The following DIP2C variants were observed in gnomAD, a reference collection of about 807,000 sequenced individuals.
DIP2C encodes the protein DIP2 acetate--CoA ligase C (putative), also known as disco-interacting protein 2 homolog C.
Under a neutral mutation model 192.4 loss-of-function variants are expected in DIP2C, and 33 were observed. That is an observed-to-expected ratio of 0.17 (90% CI 0.13 to 0.23). The LOEUF (loss-of-function observed/expected upper bound fraction) is 0.23, where lower values mean the gene tolerates loss of function less well. Ranked by LOEUF, DIP2C falls within the 10% of genes least tolerant of loss-of-function variation. The pLI, the probability that DIP2C is intolerant of heterozygous loss-of-function variation, is 1.00. For missense variants in DIP2C, 1,537 were observed against 2,110.1 expected (o/e 0.73, Z 5.32); for synonymous variants, 979 against 864.1 (o/e 1.13, Z -2.33).
intron 2 of DIP2C, among the ~76,000 whole-genome samples, chr10:474,856 TCTC>T (rs1302550576): frequency 2.0e-5 from 3 of 152,154 alleles, no homozygotes; most frequent in Admixed American, 6.5e-5. Context: ...CCCATTCCTT[TCTC>T]TTCTCCTTCA....
intron 5 of DIP2C, among the ~76,000 whole-genome samples, chr10:420,625 A>T (rs1370022741): frequency 3.3e-5 from 5 of 152,256 alleles, no homozygotes; most frequent in Non-Finnish European, 7.3e-5. Flanking sequence ...CAGTGGAAAA[A>T]GAAAACTAGA....
chr10:309,922 G>C (rs1956498640), intron 32 of DIP2C, 109 bp downstream of exon 32: 2 of 1,062,570 alleles, frequency 1.9e-6, no homozygotes, highest in Non-Finnish European at 2.8e-6. Flanking sequence ...TTACACTCTG[G>C]GCAGATAAAC....
intron 5 of DIP2C, among the ~76,000 whole-genome samples, chr10:421,587 T>A (rs1419476329): frequency 6.6e-6 from 1 of 152,230 alleles, no homozygotes; most frequent in Admixed American, 6.5e-5. Flanking sequence ...GTACAGGTTA[T>A]TAATTCACAT....
At chr10:497,261 T>A (rs1197932339) in intron 1 of DIP2C, among the ~76,000 whole-genome samples, 3 of 152,208 alleles carry the variant, frequency 2.0e-5, no homozygotes, top group African/African-American at 7.2e-5. Flanking sequence ...GTTAGGCCAT[T>A]CTTTTCTTTC....
intron 1 of DIP2C, among the ~76,000 whole-genome samples, chr10:524,966 T>TAAAAAA (rs1564818283): frequency 3.7e-5 from 1 of 26,744 alleles, no homozygotes; most frequent in African/African-American, 4.4e-4. Flanking sequence ...AATCACAATT[T>TAAAAAA]CAAAAAAAAA....
chr10:524,033 G>A (rs575665747), intron 1 of DIP2C, among the ~76,000 whole-genome samples: 1 of 152,170 alleles, frequency 6.6e-6, no homozygotes, highest in Non-Finnish European at 1.5e-5. Context: ...AGGAGGCCGT[G>A]CAATGGCCCG....
chr10:467,229 T>A (rs1257544919), intron 3 of DIP2C, among the ~76,000 whole-genome samples: 2 of 152,208 alleles, frequency 1.3e-5, no homozygotes, highest in Middle Eastern at 3.4e-3. Context: ...ATGTCCTTTG[T>A]AGGGACATGG....
At position 601,688 on chromosome 10, in the gene DIP2C, G is replaced by T. The variant is rs942297104; in HGVS notation, c.85+87806C>A. On this transcript the variant is annotated intron_variant, in intron 1 of 36. Coordinates refer to ENST00000280886, the MANE Select transcript of DIP2C (RefSeq NM_014974.3). ...CACCACGAAGGACCATTTCAAGGTG[G>T]GAGGCGCCCACTGCCCTGACTGCAG... Among the ~76,000 whole-genome samples the T allele has an allele frequency of 5.3e-5, 8 of 152,206 alleles. No individual in the cohort carries two copies. The East Asian group carries it at 1.5e-3, about 29-fold the overall frequency.
chr10:445,019 C>A (rs1348144330), intron 3 of DIP2C, among the ~76,000 whole-genome samples: 1 of 152,206 alleles, frequency 6.6e-6, no homozygotes, highest in Non-Finnish European at 1.5e-5. Context: ...AGTGGCCGTG[C>A]CGTTTTAAGT....
At position 329,460 on chromosome 10, in the gene DIP2C, C is replaced by T. The variant is rs749052010; in HGVS notation, c.3726G>A (p.Gly1242=). 1 of 1,613,972 alleles carries T rather than the reference C, an allele frequency of 6.2e-7. No homozygotes were observed. The highest frequency in any genetic ancestry group is 2.2e-5 in the East Asian group (1 of 44,858). Residue 1242 remains glycine (G), a synonymous_variant, in exon 30 of 37, where the codon GGG becomes GGA. Coordinates refer to ENST00000280886, the MANE Select transcript of DIP2C (RefSeq NM_014974.3). Reference sequence around the variant, plus strand: ...TGAGGGACTCTGTTTGCGAGCCCAGCCCCTTGGTGCACAGCTCCATCACGG... The same window carrying T: ...TGAGGGACTCTGTTTGCGAGCCCAGTCCCTTGGTGCACAGCTCCATCACGG... The part of the protein sequence containing the change: ...SYSVMELCTK[G]LGSQTESLKA...
At chr10:578,914 T>C (rs189734478) in intron 1 of DIP2C, among the ~76,000 whole-genome samples, 42 of 152,244 alleles carry the variant, frequency 2.8e-4, no homozygotes, top group African/African-American at 8.7e-4. Flanking sequence ...ATCCACAGTG[T>C]GTGCACATAG....
At chr10:329,634 G>A (rs753265990) in intron 29 of DIP2C, 33 bp from the exon 30 acceptor site, 1 of 438,722 alleles carries the variant, frequency 2.3e-6, no homozygotes, top group Non-Finnish European at 3.8e-6. Context: ...CAGGGCGGGA[G>A]CTCAGCAAGG....
At chr10:463,307 G>T (rs892501879) in intron 3 of DIP2C, among the ~76,000 whole-genome samples, 1 of 152,076 alleles carries the variant, frequency 6.6e-6, no homozygotes, top group African/African-American at 2.4e-5. Context: ...AAAGTCTCAG[G>T]ATACAAAATC....
rs555131980 is a variant in DIP2C at position 598,489 on chromosome 10, A to C, written c.85+91005T>G. 2.6e-5 allele frequency among the ~76,000 whole-genome samples: 4 copies of C among 152,298 alleles called. No homozygotes were observed. The East Asian group carries it at 7.7e-4, about 29-fold the overall frequency. ...CTGTGGGAAAGTCAGTCTCAGTCCG[A>C]GGCCTCGCGACAGGGGTAGGGGAGC... On this transcript the variant is annotated intron_variant, in intron 1 of 36. Transcript: ENST00000280886.
rs1422733900 is a variant in DIP2C, at chr10:532,473, C to T, written c.86-45943G>A. Among the ~76,000 whole-genome samples the T allele has an allele frequency of 2.6e-5, 4 of 152,168 alleles. No individual in the cohort carries two copies. In the South Asian group the frequency reaches 8.3e-4, roughly 32 times the overall value. On this transcript the variant is annotated intron_variant, in intron 1 of 36. Transcript: ENST00000280886. The stretch of plus-strand genomic sequence containing the variant: ...AGAGCAACCAAAACAGCATGTTTTT[C>T]CACTGAGAAGACCTCGTTTCTGTCC...
At position 384,530 on chromosome 10, in the gene DIP2C, G is replaced by A. The variant is rs187783441; in HGVS notation, c.1756+16C>T. On this transcript the variant is annotated intron_variant, in intron 15 of 36. Coordinates refer to ENST00000280886, the MANE Select transcript of DIP2C (RefSeq NM_014974.3). ...TGGGATTACAGGTGTGAGCCACTGC[G>A]CCCGGCGAGACCCACCTTTGTACTG... is the stretch of plus-strand genomic sequence containing the variant. The A allele has an allele frequency of 1.5e-4, 244 of 1,612,530 alleles. 1 individual carries two copies. The highest frequency in any genetic ancestry group is 1.4e-3 in the East Asian group (64 of 44,854).
At chr10:560,042 T>TCC (rs903107122) in intron 1 of DIP2C, among the ~76,000 whole-genome samples, 1 of 137,762 alleles carries the variant, frequency 7.3e-6, no homozygotes, top group African/African-American at 2.7e-5. Flanking sequence ...TTCTCACCTC[T>TCC]CCCTCCTGCC....
intron 3 of DIP2C, among the ~76,000 whole-genome samples, chr10:455,168 A>C (rs143135016): frequency 6.6e-6 from 1 of 152,340 alleles, no homozygotes; most frequent in Non-Finnish European, 1.5e-5. Context: ...CACCGGTTCA[A>C]ACCCCAGCTC....
At chr10:330,192 T>C (rs768318854) in intron 29 of DIP2C, among the ~76,000 whole-genome samples, 11 of 152,162 alleles carry the variant, frequency 7.2e-5, no homozygotes, top group African/African-American at 9.7e-5. Context: ...AAAAGACAAT[T>C]ATGGTAATTA....
Sources: allele counts gnomAD v4.1 joint callset (sites outside exome capture counted in the v4.1 genomes callset), GRCh38; gene constraint gnomAD v4.1.1; transcripts MANE v1.5; gene names NCBI Gene and HGNC (gene_info 2026-07-23, HGNC 2026-07-21).